KLF8: variants seen among roughly 807,000 people sequenced by gnomAD.
KLF8 encodes KLF transcription factor 8.
Under a neutral mutation model 18.2 loss-of-function variants are expected in KLF8, and 10 were observed. That is an observed-to-expected ratio of 0.55 (90% CI 0.34 to 0.93). The LOEUF is 0.93. Ranked by LOEUF, KLF8 falls within the 40% of genes least tolerant of loss-of-function variation. KLF8 has a pLI of 0.02. For synonymous variants in KLF8, 109 were observed against 97.3 expected, an observed-to-expected ratio of 1.12 and a Z score of -0.71; for missense variants, 264 against 277.9, an observed-to-expected ratio of 0.95 and a Z score of 0.36.
chrX:56,028,613 G>A, the KLF8 span, among the ~76,000 whole-genome samples: 1 of 111,521 alleles, frequency 9.0e-6, no homozygotes, highest in African/African-American at 3.3e-5. Flanking sequence ...ACGCAGCCTA[G>A]GTCTTTAGCA....
chrX:55,960,828 C>T, the KLF8 span, among the ~76,000 whole-genome samples: 1 of 111,779 alleles, frequency 8.9e-6, no homozygotes, highest in East Asian at 2.8e-4. Flanking sequence ...GGACCAATTT[C>T]TCACATATCA....
At chrX:56,281,322 G>A (rs2067198085) in intron 5 of KLF8, among the ~76,000 whole-genome samples, 1 of 111,943 alleles carries the variant, frequency 8.9e-6, no homozygotes, top group Non-Finnish European at 1.9e-5. Flanking sequence ...TGCCTGGGTT[G>A]CTTTCTTCAT....
the KLF8 span, among the ~76,000 whole-genome samples, chrX:56,194,737 C>T: frequency 1.8e-5 from 2 of 112,274 alleles, no homozygotes; most frequent in Admixed American, 9.4e-5. Context: ...GCTTTGAGAA[C>T]GGACAGACTG....
chrX:56,126,163 C>A, the KLF8 span, among the ~76,000 whole-genome samples: 1 of 111,720 alleles, frequency 9.0e-6, no homozygotes, highest in Non-Finnish European at 1.9e-5. Flanking sequence ...CTATCACCAA[C>A]CTTTTCCACC....
the KLF8 span, among the ~76,000 whole-genome samples, chrX:56,163,380 G>A: frequency 8.9e-6 from 1 of 111,979 alleles, no homozygotes; most frequent in African/African-American, 3.2e-5. Context: ...ATTTTTGGCT[G>A]CATTTATGTC....
chrX:56,069,143 C>T, the KLF8 span, among the ~76,000 whole-genome samples: 1 of 111,514 alleles, frequency 9.0e-6, no homozygotes, highest in East Asian at 2.9e-4. Context: ...ATGCCACTGA[C>T]AGCCAAGTGG....
chrX:56,204,788 A>G, the KLF8 span, among the ~76,000 whole-genome samples: 1 of 110,923 alleles, frequency 9.0e-6, no homozygotes, highest in Non-Finnish European at 1.9e-5. Flanking sequence ...GTCAAACTTA[A>G]TCCCCATAGT....
chrX:56,000,232 G>T, the KLF8 span, among the ~76,000 whole-genome samples: 1 of 110,429 alleles, frequency 9.1e-6, no homozygotes, highest in African/African-American at 3.3e-5. Flanking sequence ...TGTGATACTG[G>T]ATTTGGTTTG....
At chrX:56,092,804 G>A in the KLF8 span, among the ~76,000 whole-genome samples, 5 of 109,044 alleles carry the variant, frequency 4.6e-5, no homozygotes, top group South Asian at 7.7e-4. Context: ...AAGAAAATAT[G>A]CAAGACTGTC....
the KLF8 span, among the ~76,000 whole-genome samples, chrX:56,220,303 C>T: frequency 8.9e-6 from 1 of 111,775 alleles, no homozygotes; most frequent in African/African-American, 3.3e-5. Flanking sequence ...GAATTTGTTA[C>T]AAATGCAAAT....
chrX:55,983,587 A>G, the KLF8 span, among the ~76,000 whole-genome samples: 1 of 112,178 alleles, frequency 8.9e-6, no homozygotes, highest in African/African-American at 3.2e-5. Flanking sequence ...TACCATTTCT[A>G]TTTGTGGTTG....
chrX:56,270,381 CGAGA>C lies in KLF8; in HGVS notation c.898+76_898+79del, dbSNP rs1232106278. 711 of 773,836 alleles carry C rather than the reference CGAGA, an allele frequency of 9.2e-4. 2 individuals are homozygous for C. Among genetic ancestry groups the C allele is most frequent in the Non-Finnish European group, 1.0e-3 (649 of 619,018 alleles). The allele number at this position is 773,836 out of a possible 1,213,427, so 63.8% of individuals were successfully genotyped here. On this transcript the variant is annotated intron_variant, in intron 5 of 5. Transcript: ENST00000468660. The stretch of plus-strand genomic sequence containing the variant: ...ACACACACACACACACACACACACA[CGAGA>C]GAGAGAGAGAGAGAGGGGCAGAGAG...
chrX:56,147,861 C>T, the KLF8 span, among the ~76,000 whole-genome samples: 8 of 111,800 alleles, frequency 7.2e-5, no homozygotes, highest in Admixed American at 7.6e-4. Flanking sequence ...ATCTGTAATC[C>T]TAGCTACTCA....
chrX:56,075,502 G>A, the KLF8 span, among the ~76,000 whole-genome samples: 239 of 111,679 alleles, frequency 2.1e-3, no homozygotes, highest in African/African-American at 7.4e-3. Flanking sequence ...AAGAATTTAT[G>A]CTTTGTGTTA....
chrX:55,955,138 A>T, the KLF8 span, among the ~76,000 whole-genome samples: 9 of 111,717 alleles, frequency 8.1e-5, no homozygotes, highest in African/African-American at 2.9e-4. Context: ...ACTTTATAGT[A>T]CATATAACTC....
chrX:56,065,532 T>A, the KLF8 span, among the ~76,000 whole-genome samples: 1 of 111,979 alleles, frequency 8.9e-6, no homozygotes, highest in Non-Finnish European at 1.9e-5. Flanking sequence ...TTTCAATTCT[T>A]TTTTAAGATT....
the KLF8 span, among the ~76,000 whole-genome samples, chrX:55,919,747 A>C: frequency 2.7e-5 from 3 of 111,570 alleles, no homozygotes; most frequent in African/African-American, 9.8e-5. Flanking sequence ...CTGAGCTCAG[A>C]CATGCCTATC....
the KLF8 span, among the ~76,000 whole-genome samples, chrX:56,041,665 G>GTTT: frequency 1.5e-5 from 1 of 68,492 alleles, no homozygotes; most frequent in African/African-American, 5.4e-5. Flanking sequence ...GATCTCTCTA[G>GTTT]TTTTGTTGTT....
chrX:56,151,058 A>C, the KLF8 span, among the ~76,000 whole-genome samples: 17 of 111,412 alleles, frequency 1.5e-4, no homozygotes, highest in Non-Finnish European at 3.8e-5. Context: ...TATATGGAGC[A>C]GGAGGGAGTA....
Sources: allele counts gnomAD v4.1 joint callset (sites outside exome capture counted in the v4.1 genomes callset), GRCh38; gene constraint gnomAD v4.1.1; transcripts MANE v1.5; gene names NCBI Gene and HGNC (gene_info 2026-07-23, HGNC 2026-07-21).